EPHB1: variants seen among roughly 807,000 people sequenced by gnomAD.
The protein encoded by EPHB1 is EPH receptor B1, also known as ephrin type-B receptor 1.
A neutral mutation model predicts 94.4 loss-of-function variants in EPHB1; 30 were observed. The observed-to-expected ratio is 0.32, with a 90% CI of 0.24 to 0.43. The LOEUF (loss-of-function observed/expected upper bound fraction) is 0.43. Ranked by LOEUF, EPHB1 falls within the 20% of genes least tolerant of loss-of-function variation. EPHB1 has a pLI of 1.00. For synonymous variants in EPHB1, 522 were observed against 489.1 expected, an observed-to-expected ratio of 1.07 and a Z score of -0.89; for missense variants, 1,055 against 1,308.3, an observed-to-expected ratio of 0.81 and a Z score of 2.99.
intron 2 of EPHB1, among the ~76,000 whole-genome samples, chr3:134,928,286 A>T (rs1171435278): frequency 6.6e-6 from 1 of 152,190 alleles, no homozygotes; most frequent in Non-Finnish European, 1.5e-5. Context: ...CATCCCAGCC[A>T]TGTTGGATAC....
At chr3:134,875,843 C>T (rs539561931) in intron 1 of EPHB1, among the ~76,000 whole-genome samples, 145 of 152,244 alleles carry the variant, frequency 9.5e-4, no homozygotes, top group African/African-American at 3.2e-3. Context: ...CTCTTTTGAG[C>T]CTTGTCATCT....
chr3:134,943,392 A>G (rs2039157380), intron 2 of EPHB1, among the ~76,000 whole-genome samples: 1 of 152,218 alleles, frequency 6.6e-6, no homozygotes, highest in South Asian at 2.1e-4. Context: ...TGTTGTCACT[A>G]TATTCCGACC....
rs541233973 is a variant in EPHB1, at chr3:135,092,340, C to T, written c.806-14108C>T. ...CCCTTCTGTTGGGTGCCAGGGGCCCCGTGAAGCATCTCCCTGTTGGTTGAG... is the reference window on the plus strand; with the variant it reads ...CCCTTCTGTTGGGTGCCAGGGGCCCTGTGAAGCATCTCCCTGTTGGTTGAG... On this transcript the variant is annotated intron_variant, in intron 3 of 15. Transcript: ENST00000398015. 9.1e-4 allele frequency among the ~76,000 whole-genome samples: 139 copies of T among 152,230 alleles called. 2 individuals carry two copies. In the South Asian group the frequency reaches 1.0e-2, roughly 11 times the overall value.
At chr3:134,912,597 A>G (rs1002735275) in intron 1 of EPHB1, among the ~76,000 whole-genome samples, 2 of 152,112 alleles carry the variant, frequency 1.3e-5, no homozygotes, top group Non-Finnish European at 2.9e-5. Flanking sequence ...AAGGAATCTG[A>G]GTCAGGAGAA....
intron 1 of EPHB1, among the ~76,000 whole-genome samples, chr3:134,851,162 C>G (rs1431829374): frequency 1.3e-5 from 2 of 152,228 alleles, no homozygotes; most frequent in African/African-American, 4.8e-5. Context: ...GCCAGCAGGC[C>G]TTGTCTGGAG....
chr3:135,154,527 G>A (rs1453098116), intron 6 of EPHB1: 2 of 410,472 alleles, frequency 4.9e-6, no homozygotes, highest in African/African-American at 2.0e-5. Context: ...TAGTTCACTG[G>A]CTGGGAAGGA....
chr3:135,101,417 A>G (rs1939031910), intron 3 of EPHB1, among the ~76,000 whole-genome samples: 1 of 151,888 alleles, frequency 6.6e-6, no homozygotes, highest in Admixed American at 6.6e-5. Flanking sequence ...TCTGTCACCC[A>G]GGCTGGAGTG....
intron 1 of EPHB1, among the ~76,000 whole-genome samples, chr3:134,873,127 G>A (rs780060719): frequency 6.6e-6 from 1 of 152,082 alleles, no homozygotes; most frequent in South Asian, 2.1e-4. Context: ...TTAACTACCC[G>A]TGCTGTGACA....
At chr3:135,220,874 T>G (rs1943266223) in intron 12 of EPHB1, among the ~76,000 whole-genome samples, 1 of 152,228 alleles carries the variant, frequency 6.6e-6, no homozygotes, top group Non-Finnish European at 1.5e-5. Context: ...CTGCCTTGTC[T>G]TCATAGATTT....
At chr3:135,063,695 T>G (rs775276834) in intron 3 of EPHB1, among the ~76,000 whole-genome samples, 7 of 152,216 alleles carry the variant, frequency 4.6e-5, no homozygotes, top group Non-Finnish European at 8.8e-5. Context: ...TTCTCTTGTC[T>G]GATTGCTCTG....
chr3:135,066,159 C>T (rs998216967), intron 3 of EPHB1, among the ~76,000 whole-genome samples: 1 of 152,168 alleles, frequency 6.6e-6, no homozygotes, highest in Admixed American at 6.5e-5. Flanking sequence ...CTTTAGATAA[C>T]CTGATGGCAA....
At chr3:135,041,501 T>C (rs1936841680) in intron 3 of EPHB1, among the ~76,000 whole-genome samples, 2 of 152,188 alleles carry the variant, frequency 1.3e-5, no homozygotes, top group African/African-American at 4.8e-5. Flanking sequence ...CTGACAGCCC[T>C]GAGCAGGTTC....
chr3:135,134,381 C>A (rs1940536487), intron 5 of EPHB1, among the ~76,000 whole-genome samples: 1 of 152,094 alleles, frequency 6.6e-6, no homozygotes, highest in Non-Finnish European at 1.5e-5. Flanking sequence ...TCTTAGGCAT[C>A]TTTGATGGCA....
chr3:134,858,382 C>G (rs1323231671), intron 1 of EPHB1, among the ~76,000 whole-genome samples: 1 of 152,098 alleles, frequency 6.6e-6, no homozygotes, highest in African/African-American at 2.4e-5. Context: ...GCGTGTGGGT[C>G]TGCCATAGCT....
Position 134,795,457 on chromosome 3 carries a change from A to ACGCGCACACACTCCTGCC in EPHB1, c.-173_-156dup. The ACGCGCACACACTCCTGCC allele has an allele frequency of 3.3e-6, 2 of 598,458 alleles. No individual in the cohort carries two copies. Among genetic ancestry groups the ACGCGCACACACTCCTGCC allele is most frequent in the Non-Finnish European group, 5.7e-6 (2 of 353,186 alleles). 37.1% of individuals were successfully genotyped at this position (598,458 alleles called of 1,614,324 possible). A position where few individuals can be genotyped will look rare whatever the true frequency, so the allele number is the denominator to read the frequency against. On this transcript the variant is annotated 5_prime_UTR_variant, in exon 1 of 16. Transcript: ENST00000398015. ...CACCCACGCGCGCCCGCACCGCCCC[A>ACGCGCACACACTCCTGCC]CGCGCACACACTCCTGCCCACGCCC...
intron 4 of EPHB1, among the ~76,000 whole-genome samples, chr3:135,117,396 A>G (rs1018814681): frequency 6.6e-6 from 1 of 152,232 alleles, no homozygotes; most frequent in African/African-American, 2.4e-5. Flanking sequence ...CTGCTATGAT[A>G]TGGGATTGGC....
intron 3 of EPHB1, among the ~76,000 whole-genome samples, chr3:135,039,669 C>T (rs143766817): frequency 0.015 from 2,223 of 152,322 alleles, 54 homozygotes; most frequent in African/African-American, 0.051. Context: ...GCCACTGGCC[C>T]GGCTGCTAAG....
At chr3:134,913,622 C>T (rs1206003886) in intron 1 of EPHB1, among the ~76,000 whole-genome samples, 5 of 152,226 alleles carry the variant, frequency 3.3e-5, no homozygotes, top group Non-Finnish European at 7.3e-5. Context: ...GCCCCTAACC[C>T]CCAAGCCATC....
At chr3:134,973,564 C>T (rs150585848) in intron 3 of EPHB1, among the ~76,000 whole-genome samples, 2,296 of 150,746 alleles carry the variant, frequency 0.015, 65 homozygotes, top group African/African-American at 0.052. Flanking sequence ...CCTGAGTAGC[C>T]GGGATTACAG....
Sources: gnomAD v4.1 joint callset for allele counts (sites outside exome capture counted in the v4.1 genomes callset) on GRCh38, gnomAD v4.1.1 for gene constraint, MANE v1.5 for transcripts, NCBI Gene and HGNC (gene_info 2026-07-23, HGNC 2026-07-21) for gene names.